The following ANO7 variants were observed in gnomAD, a reference collection of about 807,000 sequenced individuals.
ANO7 encodes the protein anoctamin-7.
ANO7 carries 114 observed loss-of-function variants against 115.8 expected under a neutral mutation model. The observed-to-expected ratio is 0.98, with a 90% confidence interval of 0.85 to 1.15. The LOEUF is 1.15. Among genes scored for constraint, ANO7 ranks in the 50% most tolerant of loss-of-function variants. ANO7 has a pLI of 0.00. For missense variants in ANO7, 1,302 were observed against 1,201.2 expected (o/e 1.08, Z -1.24); for synonymous variants, 550 against 498.2 (o/e 1.10, Z -1.38).
rs574379313 is a variant in ANO7 at position 241,201,375 on chromosome 2, C to T, written c.612+20C>T. 1.5e-5 allele frequency: 24 copies of T among 1,609,122 alleles called. No individual in the cohort carries two copies. In the African/African-American group the frequency reaches 2.5e-4, roughly 17 times the overall value. ...CAAATTGTGAGTGGGGGTTCCCTGC[C>T]GCGGGCCCCAAACCCTGACCTGGCT... On this transcript the variant is annotated intron_variant, in intron 7 of 24. Coordinates refer to ENST00000674324, the MANE Select transcript of ANO7 (RefSeq NM_001370694.2).
At chr2:241,227,881 G>A (rs1191015277), downstream of ANO7, 1 of 152,184 alleles carries the variant, frequency 6.6e-6, no homozygotes, top group African/African-American at 2.4e-5. Flanking sequence ...GCAGGAAAAG[G>A]GCCTTGCTTT....
At chr2:241,202,650 C>G (rs2068499081) in intron 8 of ANO7, among the ~76,000 whole-genome samples, 1 of 152,230 alleles carries the variant, frequency 6.6e-6, no homozygotes, top group Non-Finnish European at 1.5e-5. Flanking sequence ...GCTGGGTAAA[C>G]TGAGGCAATG....
chr2:241,193,302 T>TCCAAAGGATCCGCCCG (rs1295477039), intron 3 of ANO7, among the ~76,000 whole-genome samples: 1 of 152,234 alleles, frequency 6.6e-6, no homozygotes, highest in East Asian at 1.9e-4. Flanking sequence ...ACTCCTGACC[T>TCCAAAGGATCCGCCCG]CAGGTGATCC....
chr2:241,230,098 C>T (rs1452430355), downstream of ANO7: 2 of 1,592,894 alleles, frequency 1.3e-6, no homozygotes, highest in Admixed American at 1.7e-5. This position sits in a 1 kb window ranked among gnomAD's most constrained non-coding sequence, Gnocchi z 5.0. Context: ...GGCTGGGCCT[C>T]AGGCCGGTGG....
intron 21 of ANO7, among the ~76,000 whole-genome samples, chr2:241,221,148 T>C (rs1301720240): frequency 6.6e-6 from 1 of 151,654 alleles, no homozygotes; most frequent in Non-Finnish European, 1.5e-5. Context: ...CTTGGCTCAC[T>C]GCACGCAACC....
chr2:241,195,177 T>C (rs2068293283), intron 3 of ANO7, among the ~76,000 whole-genome samples: 1 of 152,130 alleles, frequency 6.6e-6, no homozygotes, highest in Non-Finnish European at 1.5e-5. Context: ...TTGGGCTCTA[T>C]TGCCCTCCCT....
At chr2:241,198,300 A>G (rs2068390823) in intron 4 of ANO7, among the ~76,000 whole-genome samples, 1 of 152,022 alleles carries the variant, frequency 6.6e-6, no homozygotes, top group Non-Finnish European at 1.5e-5. Flanking sequence ...AGGTGTTGGC[A>G]CATGGAGCCC....
intron 4 of ANO7, among the ~76,000 whole-genome samples, chr2:241,197,193 G>A (rs142873089): frequency 0.028 from 4,297 of 152,108 alleles, 178 homozygotes; most frequent in African/African-American, 0.097. Context: ...TCCACCTCCC[G>A]GGTTCAAGAG....
At chr2:241,210,649 C>CA (rs1431215860) in intron 15 of ANO7, 79 bp downstream of exon 15, 1 of 1,109,780 alleles carries the variant, frequency 9.0e-7, no homozygotes, top group African/African-American at 1.5e-5. Context: ...CTTTCTCACT[C>CA]ACTGACACAC....
intron 11 of ANO7, among the ~76,000 whole-genome samples, chr2:241,208,225 T>C (rs2068634890): frequency 6.6e-6 from 1 of 152,216 alleles, no homozygotes; most frequent in South Asian, 2.1e-4. Context: ...GGGAATCCAC[T>C]TGGATGTTTC....
rs1309754936 is a variant in ANO7 at position 241,218,232 on chromosome 2, C to T, written c.2179-7C>T. 6.8e-7 allele frequency: 1 copy of T among 1,477,114 alleles called. No individual in the cohort carries two copies. The highest frequency in any genetic ancestry group is 8.9e-7 in the Non-Finnish European group (1 of 1,118,130). The allele number at this position is 1,477,114 out of a possible 1,614,324, so 91.5% of individuals were successfully genotyped here. ...GGCCGCCTCGCGCTGACCCCTCCGG[C>T]GCCCAGGCCTTCCTCCTGGCCTTCT... is the stretch of plus-strand genomic sequence containing the variant. On this transcript the variant is annotated splice_polypyrimidine_tract_variant and splice_region_variant and intron_variant, in intron 20 of 24. Transcript: ENST00000674324.
chr2:241,230,725 G>T, downstream of ANO7: 1 of 1,592,876 alleles, frequency 6.3e-7, no homozygotes, highest in Non-Finnish European at 8.6e-7. This position sits in a 1 kb window ranked among gnomAD's most constrained non-coding sequence, Gnocchi z 5.0. Flanking sequence ...CGGTGAGAGA[G>T]GATTCTCACC....
rs756671421 is a variant in ANO7, at chr2:241,191,835, G to A, written c.166+584G>A. Reference sequence around the variant, plus strand: ...GAAACTGGCTCACTTGTGCATTGCTGGAGGGAGTGTAAAATGGTACAGCTG... The same window carrying A: ...GAAACTGGCTCACTTGTGCATTGCTAGAGGGAGTGTAAAATGGTACAGCTG... On this transcript the variant is annotated intron_variant, in intron 3 of 24. Transcript: ENST00000674324. 4.8e-4 allele frequency among the ~76,000 whole-genome samples: 73 copies of A among 152,278 alleles called. No homozygotes were observed. In the Middle Eastern group the frequency reaches 0.014, roughly 28 times the overall value.
At chr2:241,198,017 G>A (rs1479602140) in intron 4 of ANO7, among the ~76,000 whole-genome samples, 3 of 152,212 alleles carry the variant, frequency 2.0e-5, no homozygotes, top group Admixed American at 2.0e-4. Flanking sequence ...GCCATTGCTG[G>A]TGGCGTGTGT....
intron 15 of ANO7, among the ~76,000 whole-genome samples, chr2:241,210,897 T>C (rs537717108): frequency 2.0e-5 from 3 of 149,330 alleles, no homozygotes; most frequent in African/African-American, 5.1e-5. Context: ...CTCGAGCTCC[T>C]GGCCTCAAGG....
chr2:241,240,204 G>C, the ANO7 span: 7 of 1,319,534 alleles, frequency 5.3e-6, no homozygotes, highest in Middle Eastern at 3.7e-4. The surrounding 1 kb of genome is among the most constrained non-coding windows in gnomAD (Gnocchi z 5.5). Flanking sequence ...CTGTAGGACA[G>C]CAAGCTCGGG....
chr2:241,237,080 G>A, the ANO7 span, among the ~76,000 whole-genome samples: 1 of 151,368 alleles, frequency 6.6e-6, no homozygotes, highest in Non-Finnish European at 1.5e-5. Flanking sequence ...ACTAACTACA[G>A]CAGAGGCTTC....
intron 15 of ANO7, among the ~76,000 whole-genome samples, chr2:241,210,911 C>A (rs534648663): frequency 1.3e-5 from 2 of 152,146 alleles, no homozygotes; most frequent in African/African-American, 4.8e-5. Flanking sequence ...CTCAAGGGAT[C>A]CTCCTGCCTA....
At chr2:241,239,097 A>T in the ANO7 span, among the ~76,000 whole-genome samples, 5 of 152,114 alleles carry the variant, frequency 3.3e-5, no homozygotes, top group African/African-American at 1.2e-4. The surrounding 1 kb of genome is among the most constrained non-coding windows in gnomAD (Gnocchi z 4.6). Flanking sequence ...ATCAGACTTG[A>T]TTATTAGGGA....
Sources: allele counts gnomAD v4.1 joint callset (sites outside exome capture counted in the v4.1 genomes callset), GRCh38; gene constraint gnomAD v4.1.1; non-coding constraint Gnocchi (gnomAD v3.1); transcripts MANE v1.5; gene names NCBI Gene and HGNC (gene_info 2026-07-23, HGNC 2026-07-21).